BRI3: variants seen among roughly 807,000 people sequenced by gnomAD.
BRI3 encodes the protein membrane protein BRI3.
In BRI3, 6 loss-of-function variants were observed where a neutral mutation model predicts 12.8. The observed-to-expected ratio is 0.47, with a 90% CI of 0.26 to 0.93. BRI3 has a LOEUF of 0.93. BRI3 is among the 40% of genes least tolerant of loss of function. The pLI is 0.15. For synonymous variants in BRI3, 91 were observed against 76.1 expected (o/e 1.20, Z -1.02); for missense variants, 134 against 171.1 (o/e 0.78, Z 1.21).
At chr7:98,299,767 G>A (rs948031306) in intron 1 of BRI3, among the ~76,000 whole-genome samples, 11 of 152,280 alleles carry the variant, frequency 7.2e-5, no homozygotes, top group African/African-American at 1.9e-4. Context: ...TTTGCCGGGC[G>A]CAGTGACTCA....
intron 2 of BRI3, among the ~76,000 whole-genome samples, chr7:98,289,537 G>A (rs79540292): frequency 6.6e-6 from 1 of 152,348 alleles, no homozygotes; most frequent in African/African-American, 2.4e-5. Flanking sequence ...CAGGCAGGCG[G>A]CTGCACTGCC....
At chr7:98,294,118 GAAAGAT>G (rs1562961473), downstream of BRI3, 9 of 1,613,848 alleles carry the variant, frequency 5.6e-6, no homozygotes, top group Middle Eastern at 1.7e-4. Flanking sequence ...CGTTCTGTGA[GAAAGAT>G]AAAGAAGTTT....
chr7:98,296,188 T>C (rs1016007146), downstream of BRI3, among the ~76,000 whole-genome samples: 3 of 152,086 alleles, frequency 2.0e-5, no homozygotes, highest in Non-Finnish European at 4.4e-5. Flanking sequence ...GAGTCTGGTG[T>C]TGGAGAAGGG....
chr7:98,282,524 C>T (rs551342389), intron 2 of BRI3, 71 bp downstream of exon 2: 2 of 1,286,020 alleles, frequency 1.6e-6, no homozygotes, highest in South Asian at 1.2e-5. Context: ...CCCAGGACCT[C>T]ACAGCTCTGC....
At chr7:98,320,329 A>C in the BRI3 span, 3,542 of 1,509,466 alleles carry the variant, frequency 2.3e-3, 70 homozygotes, top group African/African-American at 0.042. Flanking sequence ...GTTAGCGGGA[A>C]GCCATTGCGT....
the BRI3 span, chr7:98,315,470 T>C: frequency 3.4e-6 from 5 of 1,482,686 alleles, no homozygotes; most frequent in Non-Finnish European, 4.5e-6. Context: ...CTGTAAGTGA[T>C]AATAATGTAT....
chr7:98,306,281 C>T (rs142825458), upstream of BRI3, among the ~76,000 whole-genome samples: 558 of 152,208 alleles, frequency 3.7e-3, 1 homozygote, highest in Non-Finnish European at 4.7e-3. Flanking sequence ...ACAGAAATCA[C>T]GGCAGACAGC....
downstream of BRI3, chr7:98,294,056 G>A (rs371780461): frequency 9.7e-5 from 157 of 1,613,224 alleles, no homozygotes; most frequent in Admixed American, 5.3e-4. Context: ...TGAGGCTCAC[G>A]TAGGAAGCCA....
downstream of BRI3, chr7:98,294,178 A>G: frequency 6.5e-7 from 1 of 1,540,658 alleles, no homozygotes; most frequent in South Asian, 1.1e-5. Flanking sequence ...TTTTAGGTAG[A>G]GATGGGGATT....
At chr7:98,294,440 G>A (rs1297660925), downstream of BRI3, among the ~76,000 whole-genome samples, 1 of 152,328 alleles carries the variant, frequency 6.6e-6, no homozygotes, top group South Asian at 2.1e-4. Context: ...AGGCGGTAGC[G>A]GCCCTCCCAG....
chr7:98,301,822 G>A (rs1371868506), upstream of BRI3, among the ~76,000 whole-genome samples: 1 of 152,214 alleles, frequency 6.6e-6, no homozygotes, highest in Non-Finnish European at 1.5e-5. Context: ...AAGCTCGCGG[G>A]TGTGAGCTGA....
downstream of BRI3, chr7:98,315,363 T>C (rs1056007062): frequency 5.0e-6 from 6 of 1,195,638 alleles, no homozygotes; most frequent in African/African-American, 3.1e-5. Context: ...CCCAAAGTGC[T>C]GGGATTACAG....
chr7:98,312,492 T>A (rs1419701318), downstream of BRI3, among the ~76,000 whole-genome samples: 1 of 152,026 alleles, frequency 6.6e-6, no homozygotes, highest in Non-Finnish European at 1.5e-5. Flanking sequence ...GATCCCTCAG[T>A]GTGAATACAG....
chr7:98,306,521 CG>C, exon 1 of BRI3: 1 of 1,614,080 alleles, frequency 6.2e-7, no homozygotes, highest in Non-Finnish European at 8.5e-7. Context: ...CCCCTCCTAC[CG>C]GCAAAGAGGG....
At chr7:98,310,592 C>T, downstream of BRI3, 1 of 1,563,174 alleles carries the variant, frequency 6.4e-7, no homozygotes. Flanking sequence ...TCTTTCCTAA[C>T]CTGTGAAAAA....
downstream of BRI3, among the ~76,000 whole-genome samples, chr7:98,295,299 T>TC: frequency 6.6e-6 from 1 of 152,206 alleles, no homozygotes; most frequent in South Asian, 2.1e-4. Context: ...TGTCCCACCC[T>TC]CCCCAGATCC....
At chr7:98,284,200 T>TG (rs915226238) in intron 2 of BRI3, among the ~76,000 whole-genome samples, 1 of 152,256 alleles carries the variant, frequency 6.6e-6, no homozygotes, top group South Asian at 2.1e-4. Flanking sequence ...TGGACAAGGT[T>TG]GGGGGGTCCT....
chr7:98,304,321 C>A, upstream of BRI3: 1 of 1,613,496 alleles, frequency 6.2e-7, no homozygotes, highest in Non-Finnish European at 8.5e-7. Flanking sequence ...GGGGGGATGA[C>A]AACACTGCTA....
chr7:98,291,061 G>A lies in BRI3; in HGVS notation c.246-50G>A, dbSNP rs371589940. 21 of 1,608,672 alleles carry A rather than the reference G, an allele frequency of 1.3e-5. No individual in the cohort carries two copies. In the African/African-American group the frequency reaches 1.5e-4, roughly 11 times the overall value. ...CAAGGGTGGCAGGGGTGAGGGTTCT[G>A]GCTGCCCGGGTCCTTACGGTGCCAC... On this transcript the variant is annotated intron_variant, in intron 2 of 2. Coordinates refer to ENST00000297290, the MANE Select transcript of BRI3 (RefSeq NM_015379.5).
Sources: allele counts gnomAD v4.1 joint callset (sites outside exome capture counted in the v4.1 genomes callset), GRCh38; gene constraint gnomAD v4.1.1; transcripts MANE v1.5; gene names NCBI Gene and HGNC (gene_info 2026-07-23, HGNC 2026-07-21).